The following PCBP3 variants were observed in gnomAD, a reference collection of about 807,000 sequenced individuals.
The protein encoded by PCBP3 is poly(rC) binding protein 3.
PCBP3 carries 25 observed loss-of-function variants against 52.7 expected under a neutral mutation model. That is an observed-to-expected ratio of 0.47 (90% CI 0.35 to 0.66). The LOEUF is 0.66. Among genes scored for constraint, PCBP3 ranks in the 30% least tolerant of loss-of-function variants. The probability of loss-of-function intolerance (pLI) is 0.01; values close to 1 mark genes in which losing one functional copy is unlikely to be tolerated. For synonymous variants in PCBP3, 162 were observed against 183.0 expected (o/e 0.89, Z 0.93); for missense variants, 391 against 490.3 (o/e 0.80, Z 1.91).
rs112103271 is a variant in PCBP3, at chr21:45,779,749, A to G, written c.-126+24297A>G. The stretch of plus-strand genomic sequence containing the variant: ...ATATACCATGTTCGTTGTTAAGATG[A>G]CTCAATATTGTTAAGATGTTAATTC... On this transcript the variant is annotated intron_variant, in intron 4 of 17. Transcript: ENST00000681687. Among the ~76,000 whole-genome samples the G allele has an allele frequency of 1.5e-3, 221 of 152,330 alleles. 2 individuals are homozygous for G. Among genetic ancestry groups the G allele is most frequent in the African/African-American group, 4.9e-3 (204 of 41,562 alleles).
intron 10 of PCBP3, 94 bp from the exon 11 acceptor site, chr21:45,910,807 GT>G: frequency 8.0e-7 from 1 of 1,257,600 alleles, no homozygotes; most frequent in Non-Finnish European, 1.1e-6. Context: ...CCAAGGAAGT[GT>G]CCCCCGAGCT....
intron 2 of PCBP3, among the ~76,000 whole-genome samples, chr21:45,721,851 G>C (rs2079032306): frequency 6.6e-6 from 1 of 152,112 alleles, no homozygotes; most frequent in Admixed American, 6.6e-5. Context: ...AGGCTGATAA[G>C]ATAGAATTTT....
chr21:45,735,114 G>A lies in PCBP3; in HGVS notation c.-199-278G>A, dbSNP rs2085769155. On this transcript the variant is annotated intron_variant, in intron 2 of 17. Coordinates refer to ENST00000681687, the MANE Select transcript of PCBP3 (RefSeq NM_001384156.1). This position sits in a 1 kb window ranked among gnomAD's most constrained non-coding sequence, Gnocchi z 4.0. ...TGCCCCAGACGTCAGTCAGGCCGAG[G>A]ACTGTGGGTCAAGGTTCAGGGACCC... 6.6e-6 allele frequency among the ~76,000 whole-genome samples: 1 copy of A among 152,226 alleles called. No homozygotes were observed. The highest frequency in any genetic ancestry group is 1.5e-5 in the Non-Finnish European group (1 of 68,042).
At chr21:45,657,315 C>A (rs753208600) in intron 1 of PCBP3, among the ~76,000 whole-genome samples, 3 of 152,062 alleles carry the variant, frequency 2.0e-5, no homozygotes, top group African/African-American at 4.8e-5. Context: ...GTCTTTGGTG[C>A]GTTTTGAGTT....
chr21:45,912,178 A>G (rs925345896), intron 11 of PCBP3, among the ~76,000 whole-genome samples: 2 of 152,330 alleles, frequency 1.3e-5, no homozygotes, highest in South Asian at 2.1e-4. Flanking sequence ...AAGGCTGCCC[A>G]TGCCCCCAGA....
At chr21:45,769,770 G>A (rs1169333264) in intron 4 of PCBP3, among the ~76,000 whole-genome samples, 1 of 152,230 alleles carries the variant, frequency 6.6e-6, no homozygotes, top group Non-Finnish European at 1.5e-5. Flanking sequence ...TAACTAGTGT[G>A]TGATATTCAG....
intron 2 of PCBP3, among the ~76,000 whole-genome samples, chr21:45,681,047 C>T (rs1043200761): frequency 6.6e-6 from 1 of 152,098 alleles, no homozygotes; most frequent in African/African-American, 2.4e-5. Context: ...CCTTACATGG[C>T]GGAAGGCAGA....
chr21:45,822,785 G>A (rs1050141632), intron 4 of PCBP3, among the ~76,000 whole-genome samples: 1 of 152,192 alleles, frequency 6.6e-6, no homozygotes, highest in African/African-American at 2.4e-5. Context: ...CTTGGTTTTG[G>A]TGACCTTGAC....
chr21:45,658,734 T>C (rs1196177633), intron 1 of PCBP3, among the ~76,000 whole-genome samples: 3 of 152,242 alleles, frequency 2.0e-5, no homozygotes, highest in Non-Finnish European at 2.9e-5. Flanking sequence ...CCGTTTCTCC[T>C]TGTGAAGGAT....
At chr21:45,769,625 G>A (rs2089685210) in intron 4 of PCBP3, among the ~76,000 whole-genome samples, 1 of 152,222 alleles carries the variant, frequency 6.6e-6, no homozygotes, top group Non-Finnish European at 1.5e-5. Context: ...TGAAACTCTG[G>A]GTTGGCGTGC....
At chr21:45,680,757 C>G (rs1001392837) in intron 2 of PCBP3, among the ~76,000 whole-genome samples, 4 of 152,134 alleles carry the variant, frequency 2.6e-5, no homozygotes, top group African/African-American at 9.7e-5. Flanking sequence ...TTGTCCTGTT[C>G]CCGATGTTAG....
intron 1 of PCBP3, among the ~76,000 whole-genome samples, chr21:45,644,545 C>T (rs556113179): frequency 6.6e-6 from 1 of 152,130 alleles, no homozygotes; most frequent in African/African-American, 2.4e-5. Flanking sequence ...TTCCAATTCC[C>T]TCCGCGCCAC....
At chr21:45,652,940 A>C (rs1010390465) in intron 1 of PCBP3, among the ~76,000 whole-genome samples, 1 of 152,204 alleles carries the variant, frequency 6.6e-6, no homozygotes, top group Admixed American at 6.5e-5. Flanking sequence ...CAACTACATC[A>C]TACAAAGTTT....
chr21:45,650,978 G>C (rs537609673), intron 1 of PCBP3, among the ~76,000 whole-genome samples: 1 of 152,104 alleles, frequency 6.6e-6, no homozygotes, highest in Non-Finnish European at 1.5e-5. Context: ...AATAGCACAA[G>C]GAAACAAATT....
chr21:45,868,025 G>A (rs559372447), intron 5 of PCBP3, among the ~76,000 whole-genome samples: 1 of 152,268 alleles, frequency 6.6e-6, no homozygotes, highest in Non-Finnish European at 1.5e-5. Flanking sequence ...GCAGCCAGGG[G>A]GTCTGGCACC....
At chr21:45,710,677 T>C (rs1013132274) in intron 2 of PCBP3, among the ~76,000 whole-genome samples, 1 of 152,208 alleles carries the variant, frequency 6.6e-6, no homozygotes, top group Non-Finnish European at 1.5e-5. Context: ...CTTTCCATAC[T>C]GTACTGTTTG....
intron 5 of PCBP3, among the ~76,000 whole-genome samples, chr21:45,891,937 TC>T (rs1010836567): frequency 3.3e-5 from 5 of 152,060 alleles, no homozygotes; most frequent in African/African-American, 9.7e-5. Context: ...AGCCCCTGAG[TC>T]AGGACGTCCA....
intron 4 of PCBP3, among the ~76,000 whole-genome samples, chr21:45,780,328 T>C (rs948357570): frequency 2.6e-5 from 4 of 152,368 alleles, no homozygotes; most frequent in Middle Eastern, 6.8e-3. Context: ...TTTTTTCCTC[T>C]GATTTGATAT....
intron 4 of PCBP3, among the ~76,000 whole-genome samples, chr21:45,793,983 G>A (rs1488438574): frequency 6.6e-6 from 1 of 152,144 alleles, no homozygotes. Flanking sequence ...TAATGGAGAG[G>A]AAAGCATCCA....
Sources: gnomAD v4.1 joint callset for allele counts (sites outside exome capture counted in the v4.1 genomes callset) on GRCh38, gnomAD v4.1.1 for gene constraint, Gnocchi (gnomAD v3.1) non-coding constraint, MANE v1.5 for transcripts, NCBI Gene and HGNC (gene_info 2026-07-23, HGNC 2026-07-21) for gene names.